The following B3GALT1 variants were observed in gnomAD, a reference collection of about 807,000 sequenced individuals.
The protein encoded by B3GALT1 is beta-1,3-galactosyltransferase 1, also known as UDP-Gal:betaGlcNAc beta 1,3-galactosyltransferase, polypeptide 1.
Under a neutral mutation model 23.2 loss-of-function variants are expected in B3GALT1, and 10 were observed. That is an observed-to-expected ratio of 0.43 (90% CI 0.27 to 0.73). The LOEUF (loss-of-function observed/expected upper bound fraction) is 0.73, where lower values mean the gene tolerates loss of function less well. B3GALT1 is among the 30% of genes least tolerant of loss of function. The probability of loss-of-function intolerance (pLI) is 0.21; values close to 1 mark genes in which losing one functional copy is unlikely to be tolerated. For missense variants in B3GALT1, 299 were observed against 405.4 expected (o/e 0.74, Z 2.25); for synonymous variants, 156 against 141.5 (o/e 1.10, Z -0.73).
chr2:167,313,297 G>C (rs1696661853), intron 1 of B3GALT1, among the ~76,000 whole-genome samples: 1 of 152,076 alleles, frequency 6.6e-6, no homozygotes, highest in Non-Finnish European at 1.5e-5. Context: ...CATATTTTGA[G>C]ATCCACATCC....
In B3GALT1 at chr2:167,433,868, C is replaced by T. The variant is rs73023866; in HGVS notation, c.-510-56309C>T. Among the ~76,000 whole-genome samples, 599 of 152,162 alleles carry T rather than the reference C, an allele frequency of 3.9e-3. 2 individuals carry two copies. The highest frequency in any genetic ancestry group is 0.018 in the East Asian group (95 of 5,178). Reference sequence around the variant, plus strand: ...GCTTAAGCCCAGGAGTTCAAGTTTACGGTGAGGTGTGACCATGCCACTGCC... The same window carrying T: ...GCTTAAGCCCAGGAGTTCAAGTTTATGGTGAGGTGTGACCATGCCACTGCC... On this transcript the variant is annotated intron_variant, in intron 1 of 4. Coordinates refer to ENST00000392690, the MANE Select transcript of B3GALT1 (RefSeq NM_020981.4).
intron 1 of B3GALT1, among the ~76,000 whole-genome samples, chr2:167,461,383 G>A (rs1468045428): frequency 6.6e-6 from 1 of 152,122 alleles, no homozygotes; most frequent in Non-Finnish European, 1.5e-5. Context: ...AACAGTTATA[G>A]CAGACAGATT....
intron 3 of B3GALT1, among the ~76,000 whole-genome samples, chr2:167,817,969 C>T (rs998536520): frequency 1.4e-4 from 22 of 152,230 alleles, no homozygotes; most frequent in East Asian, 9.7e-4. Context: ...AGGGAAGGTG[C>T]GCATGCCTAA....
intron 1 of B3GALT1, among the ~76,000 whole-genome samples, chr2:167,406,421 A>G (rs2105292205): frequency 6.6e-6 from 1 of 152,264 alleles, no homozygotes; most frequent in East Asian, 1.9e-4. Flanking sequence ...TCCTGGAGCC[A>G]CAGAAAAGTG....
At chr2:167,349,307 A>G (rs910504555) in intron 1 of B3GALT1, among the ~76,000 whole-genome samples, 19 of 152,104 alleles carry the variant, frequency 1.2e-4, no homozygotes, top group African/African-American at 4.3e-4. Context: ...CACTGTTGAC[A>G]CTTCCCACCC....
At chr2:167,669,083 C>T (rs74831456) in intron 3 of B3GALT1, among the ~76,000 whole-genome samples, 2,611 of 152,210 alleles carry the variant, frequency 0.017, 78 homozygotes, top group African/African-American at 0.06. Flanking sequence ...ATTTTTTCCG[C>T]AAAACATGTA....
chr2:167,529,752 A>G (rs1683289868), intron 2 of B3GALT1, among the ~76,000 whole-genome samples: 1 of 151,730 alleles, frequency 6.6e-6, no homozygotes, highest in Admixed American at 6.6e-5. Flanking sequence ...AAATATATCG[A>G]GAGCTTAACC....
chr2:167,843,157 A>G (rs918999735), intron 4 of B3GALT1, among the ~76,000 whole-genome samples: 2 of 152,244 alleles, frequency 1.3e-5, no homozygotes, highest in Non-Finnish European at 2.9e-5. Context: ...AAAAATCCTG[A>G]TAAGTAAAAA....
chr2:167,616,872 A>G (rs1209333524), intron 2 of B3GALT1, among the ~76,000 whole-genome samples: 1 of 152,098 alleles, frequency 6.6e-6, no homozygotes, highest in African/African-American at 2.4e-5. Context: ...TCTTGATAGT[A>G]CTTTGAATTG....
At chr2:167,831,367 T>G (rs1045098219) in intron 4 of B3GALT1, among the ~76,000 whole-genome samples, 4 of 152,224 alleles carry the variant, frequency 2.6e-5, no homozygotes, top group African/African-American at 9.6e-5. Context: ...ATAAGCAAAT[T>G]GAGTAATTAC....
intron 1 of B3GALT1, among the ~76,000 whole-genome samples, chr2:167,400,908 G>T (rs1053001881): frequency 2.0e-5 from 3 of 152,076 alleles, no homozygotes; most frequent in Non-Finnish European, 2.9e-5. Context: ...AATGAAATAG[G>T]AAATTATTAT....
chr2:167,794,219 C>G (rs1430668918), intron 3 of B3GALT1, among the ~76,000 whole-genome samples: 1 of 152,192 alleles, frequency 6.6e-6, no homozygotes, highest in Non-Finnish European at 1.5e-5. Context: ...TAACACTAGT[C>G]TGATTCAATT....
At chr2:167,400,180 GTGTGTGTGTGTGTC>G (rs1559085414) in intron 1 of B3GALT1, among the ~76,000 whole-genome samples, 1 of 151,246 alleles carries the variant, frequency 6.6e-6, no homozygotes, top group African/African-American at 2.4e-5. Flanking sequence ...GTGTGTGTGT[GTGTGTGTGTGTGTC>G]TGTGTGTGTG....
At chr2:167,613,908 G>A (rs1685112289) in intron 2 of B3GALT1, among the ~76,000 whole-genome samples, 1 of 151,646 alleles carries the variant, frequency 6.6e-6, no homozygotes. Flanking sequence ...AAGACTGAAG[G>A]TTTTTTTCCC....
At chr2:167,867,022 A>G (rs951887596) in intron 4 of B3GALT1, among the ~76,000 whole-genome samples, 20 of 151,718 alleles carry the variant, frequency 1.3e-4, no homozygotes, top group East Asian at 5.9e-4. Flanking sequence ...CACCTCCTGG[A>G]TTCAGGCCAT....
chr2:167,463,011 A>C (rs1699287368), intron 1 of B3GALT1, among the ~76,000 whole-genome samples: 1 of 152,178 alleles, frequency 6.6e-6, no homozygotes, highest in Non-Finnish European at 1.5e-5. Flanking sequence ...GTATCTGTTA[A>C]TGAAATTTGG....
chr2:167,869,390 C>T lies in B3GALT1; in HGVS notation c.351C>T (p.Leu117=), dbSNP rs142541144. The change falls in exon 5 of 5, where the codon CTC becomes CTT. Residue 117 remains leucine (L), a synonymous_variant. Coordinates refer to ENST00000392690, the MANE Select transcript of B3GALT1 (RefSeq NM_020981.4). This position sits in a 1 kb window ranked among gnomAD's most constrained non-coding sequence, Gnocchi z 6.4. ...FKGIKIATLF[L]LGKNADPVLN... is the part of the protein sequence containing the mutation. The stretch of plus-strand genomic sequence containing the variant: ...GGATCAAGATAGCCACCCTGTTCCT[C>T]CTGGGCAAGAATGCTGATCCTGTTC... 17 of 1,613,988 alleles carry T rather than the reference C, an allele frequency of 1.1e-5. No individual in the cohort carries two copies. The highest frequency in any genetic ancestry group is 1.7e-5 in the Admixed American group (1 of 59,992).
At chr2:167,351,637 A>G (rs1337405432) in intron 1 of B3GALT1, among the ~76,000 whole-genome samples, 1 of 152,178 alleles carries the variant, frequency 6.6e-6, no homozygotes, top group Admixed American at 6.5e-5. Flanking sequence ...AGTGATGTTT[A>G]TATTTCTGAA....
chr2:167,637,167 A>G lies in B3GALT1; in HGVS notation c.-409-9742A>G, dbSNP rs554053341. ...ACACCAACTCCTGTTCTGAATCAAG[A>G]TGGATTTCTGTTGCTTTCACTTCGA... On this transcript the variant is annotated intron_variant, in intron 2 of 4. Transcript: ENST00000392690. Among the ~76,000 whole-genome samples, 18 of 152,008 alleles carry G rather than the reference A, an allele frequency of 1.2e-4. No individual in the cohort carries two copies. In the East Asian group the frequency reaches 3.3e-3, roughly 28 times the overall value.
Sources: allele counts gnomAD v4.1 joint callset (sites outside exome capture counted in the v4.1 genomes callset), GRCh38; gene constraint gnomAD v4.1.1; non-coding constraint Gnocchi (gnomAD v3.1); transcripts MANE v1.5; gene names NCBI Gene and HGNC (gene_info 2026-07-23, HGNC 2026-07-21).